The following RBMS3 variants were observed in gnomAD, a reference collection of about 807,000 sequenced individuals.
The protein encoded by RBMS3 is RNA binding motif single stranded interacting protein 3, also known as RNA-binding motif, single-stranded-interacting protein 3.
RBMS3 carries 27 observed loss-of-function variants against 66.8 expected under a neutral mutation model. The observed-to-expected ratio is 0.40, with a 90% CI of 0.30 to 0.56. The LOEUF (loss-of-function observed/expected upper bound fraction) is 0.56. Among genes scored for constraint, RBMS3 ranks in the 20% least tolerant of loss-of-function variants. The pLI is 0.40. For synonymous variants in RBMS3, 188 were observed against 183.0 expected (o/e 1.03, Z -0.22); for missense variants, 513 against 549.5 (o/e 0.93, Z 0.66).
chr3:29,830,737 A>G (rs1222283074), intron 6 of RBMS3, among the ~76,000 whole-genome samples: 2 of 152,134 alleles, frequency 1.3e-5, no homozygotes, highest in Non-Finnish European at 2.9e-5. Flanking sequence ...TGGTGAATGC[A>G]TCAAATACAA....
chr3:29,924,573 C>T (rs2060880539), intron 10 of RBMS3, among the ~76,000 whole-genome samples: 1 of 144,232 alleles, frequency 6.9e-6, no homozygotes, highest in Non-Finnish European at 1.5e-5. Flanking sequence ...CATGGTGGCT[C>T]ACGCCTGTAA....
chr3:29,747,374 C>G (rs868177279), intron 5 of RBMS3, among the ~76,000 whole-genome samples: 5 of 145,278 alleles, frequency 3.4e-5, no homozygotes, highest in Admixed American at 1.4e-4. Context: ...ATCTATCTAT[C>G]TAGGTAGGTA....
intron 4 of RBMS3, among the ~76,000 whole-genome samples, chr3:29,641,567 A>ATTTTTTT (rs2049714167): frequency 6.6e-6 from 1 of 152,128 alleles, no homozygotes; most frequent in African/African-American, 2.4e-5. Flanking sequence ...AATACTTTTT[A>ATTTTTTT]AACAATAGAT....
At chr3:29,449,733 A>G (rs568121134) in intron 2 of RBMS3, among the ~76,000 whole-genome samples, 1 of 152,364 alleles carries the variant, frequency 6.6e-6, no homozygotes, top group East Asian at 1.9e-4. Flanking sequence ...AAGAGCCATC[A>G]TTTTAGTGTC....
At chr3:29,589,710 C>T (rs2047659920) in intron 4 of RBMS3, among the ~76,000 whole-genome samples, 1 of 152,008 alleles carries the variant, frequency 6.6e-6, no homozygotes. Context: ...TCATATAAAC[C>T]TGCAGTCTGC....
chr3:29,722,115 G>GCC (rs2053666982), intron 4 of RBMS3, among the ~76,000 whole-genome samples: 1 of 152,088 alleles, frequency 6.6e-6, no homozygotes, highest in African/African-American at 2.4e-5. Flanking sequence ...TCTTTTATAA[G>GCC]GTAAAGCACT....
rs187241976 is a variant in RBMS3 at position 29,843,273 on chromosome 3, A to G, written c.638-25585A>G. On this transcript the variant is annotated intron_variant, in intron 6 of 14. Transcript: ENST00000383767. ...AAATGAAAATATGCTGCATATTTTT[A>G]GAAGACAAATTTTCCTTGAACTTGA... Among the ~76,000 whole-genome samples, 446 of 152,348 alleles carry G rather than the reference A, an allele frequency of 2.9e-3. 1 individual carries two copies. Among genetic ancestry groups the G allele is most frequent in the African/African-American group, 0.01 (417 of 41,572 alleles).
intron 1 of RBMS3, among the ~76,000 whole-genome samples, chr3:29,294,327 G>A (rs1263124599): frequency 1.3e-5 from 2 of 151,554 alleles, no homozygotes; most frequent in African/African-American, 4.8e-5. Flanking sequence ...TTCACATTAA[G>A]CACATGGGTC....
intron 8 of RBMS3, 81 bp from the exon 9 acceptor site, chr3:29,897,295 TTCC>T: frequency 8.2e-7 from 1 of 1,224,750 alleles, no homozygotes; most frequent in Non-Finnish European, 1.2e-6. Context: ...AAATATGTCT[TTCC>T]CATAGGTACT....
chr3:29,413,139 G>A (rs1366424371), intron 1 of RBMS3, among the ~76,000 whole-genome samples: 1 of 152,186 alleles, frequency 6.6e-6, no homozygotes, highest in Non-Finnish European at 1.5e-5. Context: ...GGGAGCCCAA[G>A]GCAGGCAGAT....
intron 4 of RBMS3, among the ~76,000 whole-genome samples, chr3:29,590,004 G>A (rs1402371963): frequency 3.3e-5 from 5 of 152,088 alleles, no homozygotes; most frequent in Non-Finnish European, 7.4e-5. Context: ...TACCCAGGAA[G>A]TGGTAATTGA....
chr3:29,654,521 C>CGTGTGTGTGT (rs56163408), intron 4 of RBMS3, among the ~76,000 whole-genome samples: 1 of 118,960 alleles, frequency 8.4e-6, no homozygotes, highest in Non-Finnish European at 1.7e-5. Context: ...GAATTGGATT[C>CGTGTGTGTGT]GTGTGTGTGT....
intron 4 of RBMS3, among the ~76,000 whole-genome samples, chr3:29,719,930 C>A (rs1171901488): frequency 2.2e-5 from 3 of 134,586 alleles, no homozygotes; most frequent in African/African-American, 8.3e-5. Context: ...CTTACAGATA[C>A]ATTTTTTTTT....
At chr3:29,579,603 A>G (rs1052300484) in intron 3 of RBMS3, among the ~76,000 whole-genome samples, 1 of 152,166 alleles carries the variant, frequency 6.6e-6, no homozygotes, top group Non-Finnish European at 1.5e-5. Flanking sequence ...GAATTGTTTT[A>G]TTAATATGTT....
chr3:29,786,098 C>CA (rs368403371), intron 6 of RBMS3, among the ~76,000 whole-genome samples: 3,586 of 100,466 alleles, frequency 0.036, 112 homozygotes, highest in African/African-American at 0.097. Flanking sequence ...ACAATAGCTG[C>CA]AAAAAAAAAA....
intron 6 of RBMS3, among the ~76,000 whole-genome samples, chr3:29,834,341 C>G (rs1433226446): frequency 6.6e-6 from 1 of 151,944 alleles, no homozygotes; most frequent in Admixed American, 6.6e-5. Context: ...ACTTATGACT[C>G]TAGTATAAAG....
intron 7 of RBMS3, among the ~76,000 whole-genome samples, chr3:29,875,510 A>G (rs1475581387): frequency 6.6e-6 from 1 of 152,146 alleles, no homozygotes; most frequent in Non-Finnish European, 1.5e-5. Flanking sequence ...CATACTATAA[A>G]ATGCTATCAA....
Position 29,586,128 on chromosome 3 carries a change from G to T in RBMS3, c.308-986G>T, listed in dbSNP as rs1252566209. On this transcript the variant is annotated intron_variant, in intron 3 of 14. Transcript: ENST00000383767. The stretch of plus-strand genomic sequence containing the variant: ...TAAGAATACAGATGATTCCCTGCCT[G>T]ACAGATGAGAAGAAGTATAGGATAC... 3.9e-5 allele frequency among the ~76,000 whole-genome samples: 6 copies of T among 152,010 alleles called. No homozygotes were observed. The East Asian group carries it at 1.2e-3, about 29-fold the overall frequency.
chr3:29,372,285 C>T (rs964713485), intron 1 of RBMS3, among the ~76,000 whole-genome samples: 1 of 151,858 alleles, frequency 6.6e-6, no homozygotes, highest in African/African-American at 2.4e-5. Flanking sequence ...AGTGAGATCA[C>T]GCCACTGCAC....
Sources: gnomAD v4.1 joint callset for allele counts (sites outside exome capture counted in the v4.1 genomes callset) on GRCh38, gnomAD v4.1.1 for gene constraint, MANE v1.5 for transcripts, NCBI Gene and HGNC (gene_info 2026-07-23, HGNC 2026-07-21) for gene names.